Variants in LRP1B observed in about 807,000 individuals in gnomAD.
LRP1B encodes LDL receptor related protein 1B.
A neutral mutation model predicts 556.6 loss-of-function variants in LRP1B; 217 were observed. The ratio of observed to expected loss-of-function variants is 0.39; its 90% confidence interval spans 0.35 to 0.44. The LOEUF is 0.44. Ranked by LOEUF, LRP1B falls within the 20% of genes least tolerant of loss-of-function variation. The pLI is 1.00. For missense variants in LRP1B, 5,053 were observed against 5,620.8 expected (o/e 0.90, Z 3.23); for synonymous variants, 2,047 against 1,865.8 (o/e 1.10, Z -2.50).
At chr2:140,989,728 T>G (rs1697032542) in intron 16 of LRP1B, 71 bp from the exon 17 acceptor site, 2 of 1,470,376 alleles carry the variant, frequency 1.4e-6, no homozygotes, top group South Asian at 1.2e-5. Context: ...GAATGATAGT[T>G]ACAGAAAAGT....
chr2:141,365,577 C>T (rs1362806088), intron 3 of LRP1B, among the ~76,000 whole-genome samples: 3 of 149,398 alleles, frequency 2.0e-5, no homozygotes, highest in African/African-American at 4.9e-5. Flanking sequence ...CCTTTTATAG[C>T]TTCATATGTA....
At chr2:141,217,113 C>T (rs1388064783) in intron 6 of LRP1B, among the ~76,000 whole-genome samples, 1 of 152,110 alleles carries the variant, frequency 6.6e-6, no homozygotes, top group Non-Finnish European at 1.5e-5. Flanking sequence ...TACCAAATCT[C>T]ATGTTAAATT....
intron 2 of LRP1B, among the ~76,000 whole-genome samples, chr2:141,772,747 G>T (rs1226268004): frequency 1.3e-5 from 2 of 152,176 alleles, no homozygotes; most frequent in African/African-American, 4.8e-5. Flanking sequence ...AAGATACCTA[G>T]GAATGTTTGG....
chr2:142,071,739 C>G (rs1705318508), intron 1 of LRP1B, among the ~76,000 whole-genome samples: 1 of 151,878 alleles, frequency 6.6e-6, no homozygotes, highest in Non-Finnish European at 1.5e-5. Flanking sequence ...GTTCTAGGCT[C>G]CCTTCTCTTC....
At chr2:142,041,107 CT>C (rs1553507924) in intron 1 of LRP1B, among the ~76,000 whole-genome samples, 1 of 150,650 alleles carries the variant, frequency 6.6e-6, no homozygotes, top group African/African-American at 2.4e-5. Context: ...GAACCAGTGC[CT>C]TTTTTTTTCT....
At chr2:141,317,498 C>T (rs1048430781) in intron 3 of LRP1B, among the ~76,000 whole-genome samples, 4 of 152,072 alleles carry the variant, frequency 2.6e-5, no homozygotes, top group African/African-American at 9.7e-5. Flanking sequence ...CCTTCATTAC[C>T]ACTTTGAAGA....
At chr2:140,275,779 T>G (rs1573721197) in intron 84 of LRP1B, among the ~76,000 whole-genome samples, 2 of 152,120 alleles carry the variant, frequency 1.3e-5, no homozygotes, top group South Asian at 4.1e-4. Flanking sequence ...CCTATTGTTT[T>G]GAAGGCCATT....
chr2:142,064,685 T>C (rs1292681107), intron 1 of LRP1B, among the ~76,000 whole-genome samples: 3 of 151,574 alleles, frequency 2.0e-5, no homozygotes, highest in Non-Finnish European at 4.4e-5. Context: ...GTGTATTTTT[T>C]AACATCTGCA....
chr2:140,285,865 G>A (rs1056036286), intron 84 of LRP1B, among the ~76,000 whole-genome samples: 1 of 151,606 alleles, frequency 6.6e-6, no homozygotes. Context: ...ATTGTGTATA[G>A]TGTACATGAA....
chr2:140,360,805 A>G (rs1422255056), intron 72 of LRP1B, among the ~76,000 whole-genome samples: 2 of 151,524 alleles, frequency 1.3e-5, no homozygotes, highest in Non-Finnish European at 3.0e-5. Flanking sequence ...ACAAATTTCT[A>G]TTTTTGATTC....
At chr2:141,884,330 G>A (rs190736539) in intron 1 of LRP1B, among the ~76,000 whole-genome samples, 14 of 152,242 alleles carry the variant, frequency 9.2e-5, no homozygotes, top group East Asian at 3.9e-4. Flanking sequence ...AGCCTTGATC[G>A]TACCACTGCA....
chr2:141,526,278 G>C (rs941654115), intron 2 of LRP1B, among the ~76,000 whole-genome samples: 2 of 151,884 alleles, frequency 1.3e-5, no homozygotes, highest in African/African-American at 4.8e-5. Context: ...TTTAGCAGAC[G>C]GTGAGTTATG....
chr2:140,928,463 AC>A (rs1457152179), intron 20 of LRP1B, among the ~76,000 whole-genome samples: 1 of 152,080 alleles, frequency 6.6e-6, no homozygotes, highest in Non-Finnish European at 1.5e-5. Flanking sequence ...TGAATAAGAG[AC>A]CAACTTGAAT....
At chr2:141,951,976 A>G (rs1174393148) in intron 1 of LRP1B, among the ~76,000 whole-genome samples, 1 of 144,374 alleles carries the variant, frequency 6.9e-6, no homozygotes, top group Non-Finnish European at 1.5e-5. Context: ...TATTTCTCTT[A>G]ATGCTATCCC....
At chr2:142,054,176 G>T (rs1260840660) in intron 1 of LRP1B, among the ~76,000 whole-genome samples, 1 of 152,084 alleles carries the variant, frequency 6.6e-6, no homozygotes, top group Non-Finnish European at 1.5e-5. Flanking sequence ...ACAAGAATAT[G>T]ACATATTGGA....
At chr2:140,944,705 C>T (rs940760206) in intron 20 of LRP1B, among the ~76,000 whole-genome samples, 1 of 151,972 alleles carries the variant, frequency 6.6e-6, no homozygotes, top group African/African-American at 2.4e-5. Context: ...TTGATAAAAT[C>T]CAACATCCTT....
In LRP1B at chr2:141,816,856, C is replaced by T. The variant is rs541265682; in HGVS notation, c.83-6455G>A. Among the ~76,000 whole-genome samples, 21 of 151,996 alleles carry T rather than the reference C, an allele frequency of 1.4e-4. No individual in the cohort carries two copies. In the East Asian group the frequency reaches 3.7e-3, roughly 27 times the overall value. ...ACCTAACGAGCCTATGTTATCAGCT[C>T]GCTAAAGCAAGTTTCAACCTTTAAA... On this transcript the variant is annotated intron_variant, in intron 1 of 90. Coordinates refer to ENST00000389484, the MANE Select transcript of LRP1B (RefSeq NM_018557.3).
At chr2:140,383,410 A>G (rs536908455) in intron 67 of LRP1B, among the ~76,000 whole-genome samples, 3 of 152,092 alleles carry the variant, frequency 2.0e-5, no homozygotes, top group Admixed American at 6.6e-5. Context: ...GCTTGTTTCT[A>G]TATGACTAAT....
At chr2:141,022,418 C>G (rs1698091178) in intron 11 of LRP1B, among the ~76,000 whole-genome samples, 1 of 151,894 alleles carries the variant, frequency 6.6e-6, no homozygotes, top group African/African-American at 2.4e-5. Context: ...AGGAATTTCT[C>G]TCTTGCAGAA....
Sources: allele counts gnomAD v4.1 joint callset (sites outside exome capture counted in the v4.1 genomes callset), GRCh38; gene constraint gnomAD v4.1.1; transcripts MANE v1.5; gene names NCBI Gene and HGNC (gene_info 2026-07-23, HGNC 2026-07-21).